The following PCDHGA1 variants were observed in gnomAD, a reference collection of about 807,000 sequenced individuals.
PCDHGA1 encodes protocadherin gamma-A1.
A neutral mutation model predicts 58.0 loss-of-function variants in PCDHGA1; 32 were observed. The observed-to-expected ratio is 0.55, with a 90% CI of 0.42 to 0.74. The LOEUF is 0.74. Among genes scored for constraint, PCDHGA1 ranks in the 30% least tolerant of loss-of-function variants. The probability of loss-of-function intolerance (pLI) is 0.00; values close to 1 mark genes in which losing one functional copy is unlikely to be tolerated. For missense variants in PCDHGA1, 1,205 were observed against 1,182.3 expected, an observed-to-expected ratio of 1.02 and a Z score of -0.28; for synonymous variants, 498 against 501.1, an observed-to-expected ratio of 0.99 and a Z score of 0.08.
chr5:141,432,800 C>T lies in PCDHGA1; in HGVS notation c.2422-62007C>T. The T allele has an allele frequency of 6.2e-7, 1 of 1,614,156 alleles. No individual in the cohort carries two copies. The highest frequency in any genetic ancestry group is 8.5e-7 in the Non-Finnish European group (1 of 1,180,008). ...GGCGGACCTCGGCAGCCTCGAGTCT[C>T]CAGCTAACTCTGAAACCTCAGACCT... On this transcript the variant is annotated intron_variant, in intron 1 of 3. Transcript: ENST00000517417. This position sits in a 1 kb window ranked among gnomAD's most constrained non-coding sequence, Gnocchi z 6.0.
In PCDHGA1 at chr5:141,490,023, G is replaced by A. The variant is rs1306715385; in HGVS notation, c.2422-4784G>A. The A allele has an allele frequency of 1.2e-6, 2 of 1,614,134 alleles. No homozygotes were observed. Among genetic ancestry groups the A allele is most frequent in the Non-Finnish European group, 1.7e-6 (2 of 1,180,060 alleles). On this transcript the variant is annotated intron_variant, in intron 1 of 3. Transcript: ENST00000517417. This position sits in a 1 kb window ranked among gnomAD's most constrained non-coding sequence, Gnocchi z 5.4. ...AGAATGCACCCATTGGTACTCTGCT[G>A]CTCCGCCTCAATGCCACTGATCCAG... is the stretch of plus-strand genomic sequence containing the variant.
intron 1 of PCDHGA1, chr5:141,357,517 C>G: frequency 2.5e-6 from 4 of 1,614,246 alleles, no homozygotes; most frequent in Non-Finnish European, 3.4e-6. Context: ...CTTCTCCCAA[C>G]CCAGCTATGC....
Position 141,412,905 on chromosome 5 carries a change from A to G in PCDHGA1, c.2421+79800A>G, listed in dbSNP as rs145108034. The stretch of plus-strand genomic sequence containing the variant: ...AACAGAATAGTTTACTTTCCATTGC[A>G]TGTATCACTTGGGTGCAGTAACTTC... On this transcript the variant is annotated intron_variant, in intron 1 of 3. Coordinates refer to ENST00000517417, the MANE Select transcript of PCDHGA1 (RefSeq NM_018912.3). 1.3e-3 allele frequency: 513 copies of G among 382,556 alleles called. 6 individuals are homozygous for G. The East Asian group carries it at 0.015, about 11-fold the overall frequency. 23.7% of individuals were successfully genotyped at this position (382,556 alleles called of 1,614,324 possible).
intron 1 of PCDHGA1, among the ~76,000 whole-genome samples, chr5:141,364,030 G>A (rs1227147450): frequency 6.6e-6 from 1 of 152,184 alleles, no homozygotes; most frequent in East Asian, 1.9e-4. Flanking sequence ...AAACATTAAG[G>A]ATATGGCAAC....
At chr5:141,385,423 A>G in intron 1 of PCDHGA1, 4 of 1,462,490 alleles carry the variant, frequency 2.7e-6, no homozygotes, top group Non-Finnish European at 3.6e-6. Context: ...GATTTAAAAA[A>G]CTTTATAGAG....
rs543335678 is a variant in PCDHGA1 at position 141,365,777 on chromosome 5, G to A, written c.2421+32672G>A. ...GACAGCCCATGACCCCGACAGCGGC[G>A]ACAACGCTCGAGTCACCTACTCCCT... On this transcript the variant is annotated intron_variant, in intron 1 of 3. Transcript: ENST00000517417. 6.8e-6 allele frequency: 11 copies of A among 1,613,736 alleles called. No homozygotes were observed. In the South Asian group the frequency reaches 9.9e-5, roughly 14 times the overall value.
chr5:141,387,766 T>G, intron 1 of PCDHGA1: 1 of 1,434,120 alleles, frequency 7.0e-7, no homozygotes, highest in Non-Finnish European at 9.3e-7. Context: ...AAAGAAGAAT[T>G]TTTTCTTGAA....
At chr5:141,453,922 T>C (rs2098777315) in intron 1 of PCDHGA1, among the ~76,000 whole-genome samples, 1 of 152,230 alleles carries the variant, frequency 6.6e-6, no homozygotes, top group African/African-American at 2.4e-5. Context: ...CAGTGATCAG[T>C]CACTGTGTGC....
intron 1 of PCDHGA1, chr5:141,421,286 T>G: frequency 6.2e-7 from 1 of 1,613,284 alleles, no homozygotes; most frequent in Non-Finnish European, 8.5e-7. Flanking sequence ...CTGTGCATTT[T>G]CCTGGGGACG....
chr5:141,386,620 C>T (rs73279071), intron 1 of PCDHGA1, among the ~76,000 whole-genome samples: 2 of 151,558 alleles, frequency 1.3e-5, no homozygotes, highest in Non-Finnish European at 2.9e-5. Context: ...CATGGAGTCT[C>T]GCTCTGTCAC....
At position 141,476,456 on chromosome 5, in the gene PCDHGA1, A is replaced by C; in HGVS notation, c.2422-18351A>C. The C allele has an allele frequency of 6.2e-7, 1 of 1,614,058 alleles. No homozygotes were observed. Among genetic ancestry groups the C allele is most frequent in the Non-Finnish European group, 8.5e-7 (1 of 1,180,010 alleles). On this transcript the variant is annotated intron_variant, in intron 1 of 3. Transcript: ENST00000517417. The surrounding 1 kb of genome is among the most constrained non-coding windows in gnomAD (Gnocchi z 7.6). ...TGTAACTCTGGAGTTGGTAGTGGAGAACCCGCTGGAGCTGTTCAGCGTGGA... is the reference window on the plus strand; with the variant it reads ...TGTAACTCTGGAGTTGGTAGTGGAGCACCCGCTGGAGCTGTTCAGCGTGGA...
chr5:141,445,623 A>G (rs2098472971), intron 1 of PCDHGA1, among the ~76,000 whole-genome samples: 1 of 152,172 alleles, frequency 6.6e-6, no homozygotes, highest in South Asian at 2.1e-4. Flanking sequence ...TTTTTTTCGG[A>G]AAGTGATATT....
chr5:141,371,997 C>T (rs772765707), intron 1 of PCDHGA1: 3 of 1,613,232 alleles, frequency 1.9e-6, no homozygotes, highest in East Asian at 2.2e-5. Context: ...TCTGCAGGCC[C>T]GCGACCAGGG....
At chr5:141,424,525 A>G (rs1010194490) in intron 1 of PCDHGA1, 2 of 152,196 alleles carry the variant, frequency 1.3e-5, no homozygotes, top group Non-Finnish European at 2.9e-5. Context: ...TAGTAAATCC[A>G]TATATAGAAA....
At chr5:141,381,826 C>CTTCTTTTTTTTTTTTTTT (rs1777532522) in intron 1 of PCDHGA1, among the ~76,000 whole-genome samples, 1 of 74,284 alleles carries the variant, frequency 1.3e-5, no homozygotes, top group African/African-American at 6.2e-5. Flanking sequence ...CTTTCTTCTT[C>CTTCTTTTTTTTTTTTTTT]TTTTTTTTTT....
intron 1 of PCDHGA1, chr5:141,409,672 T>C (rs1411780634): frequency 2.5e-6 from 4 of 1,613,458 alleles, no homozygotes; most frequent in Non-Finnish European, 2.5e-6. Flanking sequence ...TCTCCTACTC[T>C]ATAGTGGCGA....
chr5:141,433,106 G>C, intron 1 of PCDHGA1: 1 of 1,614,170 alleles, frequency 6.2e-7, no homozygotes, highest in Non-Finnish European at 8.5e-7. Flanking sequence ...CGTCAGCCAG[G>C]AGAGCTTTGA....
At chr5:141,418,409 G>C in intron 1 of PCDHGA1, 4 of 1,613,910 alleles carry the variant, frequency 2.5e-6, no homozygotes, top group Admixed American at 1.7e-5. Context: ...GGTGGAGAAA[G>C]ACAATCCTGA....
intron 1 of PCDHGA1, chr5:141,394,390 G>A (rs758609540): frequency 2.5e-6 from 4 of 1,614,100 alleles, no homozygotes; most frequent in South Asian, 2.2e-5. Flanking sequence ...GAGCAGATCC[G>A]AGACCTGCAG....
Sources: allele counts gnomAD v4.1 joint callset (sites outside exome capture counted in the v4.1 genomes callset), GRCh38; gene constraint gnomAD v4.1.1; non-coding constraint Gnocchi (gnomAD v3.1); transcripts MANE v1.5; gene names NCBI Gene and HGNC (gene_info 2026-07-23, HGNC 2026-07-21).